Variants in MFN2 observed in about 807,000 individuals in gnomAD.
The protein encoded by MFN2 is mitofusin 2.
Under a neutral mutation model 87.5 loss-of-function variants are expected in MFN2, and 43 were observed. That is an observed-to-expected ratio of 0.49 (90% CI 0.38 to 0.63). The LOEUF is 0.63. Among genes scored for constraint, MFN2 ranks in the 30% least tolerant of loss-of-function variants. The pLI is 0.00. For synonymous variants in MFN2, 337 were observed against 359.9 expected, an observed-to-expected ratio of 0.94 and a Z score of 0.72; for missense variants, 743 against 972.8, an observed-to-expected ratio of 0.76 and a Z score of 3.14.
At chr1:12,005,053 C>G in intron 14 of MFN2, 126 bp downstream of exon 14, 1 of 776,398 alleles carries the variant, frequency 1.3e-6, no homozygotes, top group Non-Finnish European at 2.2e-6. Context: ...AACTCGATAC[C>G]TTCAGGTTCT....
Position 12,007,209 on chromosome 1 carries a change from A to T in MFN2, c.2029A>T (p.Ile677Phe), listed in dbSNP as rs745565182. The change falls in exon 17 of 19, where the codon ATC becomes TTC. Residue 677 changes from isoleucine to phenylalanine, a missense_variant. Ile to Phe is a conservative substitution (Grantham distance 21). Coordinates refer to ENST00000235329, the MANE Select transcript of MFN2 (RefSeq NM_014874.4). ...EHASEKLQLVISYTGSNCSHQ... is the reference protein window; with the variant it reads ...EHASEKLQLVFSYTGSNCSHQ... ...TGCCAGCGAGAAGCTGCAGCTTGTC[A>T]TCAGCTACACTGGCTCCAACTGCAG... is the stretch of plus-strand genomic sequence containing the variant. 1 of 1,614,156 alleles carries T rather than the reference A, an allele frequency of 6.2e-7. No individual in the cohort carries two copies. Among genetic ancestry groups the T allele is most frequent in the African/African-American group, 1.3e-5 (1 of 75,082 alleles).
In MFN2 at chr1:12,001,971, G is replaced by A. The variant is rs777588423; in HGVS notation, c.1039-11G>A. ...GGCCCCCACCTCCCTCCGTGCCTCT[G>A]TGTGTTCCAGGAGTGCATCTCCCAG... On this transcript the variant is annotated splice_polypyrimidine_tract_variant and intron_variant, in intron 10 of 18. Coordinates refer to ENST00000235329, the MANE Select transcript of MFN2 (RefSeq NM_014874.4). The A allele has an allele frequency of 5.0e-6, 8 of 1,613,904 alleles. No individual in the cohort carries two copies. Among genetic ancestry groups the A allele is most frequent in the Middle Eastern group, 1.6e-4 (1 of 6,084 alleles).
At chr1:11,981,525 A>G (rs145416784) in intron 1 of MFN2, among the ~76,000 whole-genome samples, 70 of 152,368 alleles carry the variant, frequency 4.6e-4, no homozygotes, top group African/African-American at 1.6e-3. Flanking sequence ...ACAAATCTTC[A>G]AGTATTCCAG....
chr1:11,982,373 T>G (rs1026514260), intron 2 of MFN2: 1 of 152,252 alleles, frequency 6.6e-6, no homozygotes, highest in African/African-American at 2.4e-5. Context: ...AGTCTCTGTC[T>G]CCCTCATTTG....
chr1:11,991,969 G>GT (rs1160628206), intron 3 of MFN2, among the ~76,000 whole-genome samples: 8 of 143,924 alleles, frequency 5.6e-5, no homozygotes, highest in African/African-American at 1.8e-4. Flanking sequence ...ACATAGAGTG[G>GT]TTAAGAGCCT....
At chr1:12,008,429 C>G (rs1201894038) in intron 17 of MFN2, among the ~76,000 whole-genome samples, 1 of 142,620 alleles carries the variant, frequency 7.0e-6, no homozygotes, top group Admixed American at 6.7e-5. Flanking sequence ...GCTGACCCCC[C>G]CCACCTCCCT....
At chr1:12,007,359 C>T (rs1639471754) in intron 17 of MFN2, 110 bp downstream of exon 17, 1 of 1,337,614 alleles carries the variant, frequency 7.5e-7, no homozygotes, top group African/African-American at 1.5e-5. Flanking sequence ...GGGTCCTAAG[C>T]ATCGTAGACC....
At chr1:11,993,408 A>G (rs1250521737) in intron 4 of MFN2, among the ~76,000 whole-genome samples, 1 of 151,946 alleles carries the variant, frequency 6.6e-6, no homozygotes, top group African/African-American at 2.4e-5. Context: ...CATGCATGTT[A>G]GGCAAGCATC....
intron 6 of MFN2, among the ~76,000 whole-genome samples, chr1:11,997,879 CTTTTTTTTT>C (rs768355266): frequency 1.0e-5 from 1 of 95,836 alleles, no homozygotes; most frequent in East Asian, 3.4e-4. Flanking sequence ...TGTATATCAT[CTTTTTTTTT>C]TTTTTTTTTT....
intron 2 of MFN2, among the ~76,000 whole-genome samples, chr1:11,983,652 C>CA (rs1289090121): frequency 6.6e-6 from 1 of 152,154 alleles, no homozygotes; most frequent in Non-Finnish European, 1.5e-5. Context: ...TTTCCAGAGG[C>CA]AGAGGAGGAA....
In MFN2 at chr1:12,004,040, T is replaced by C; in HGVS notation, c.1209T>C (p.Phe403=). ...AAGAGCGGCAAGACCGACTGAAATT[T>C]ATTGACAAACAGCTGGAGCTCTTGG... ...MREERQDRLK[F]IDKQLELLAQ... Residue 403 remains phenylalanine, a synonymous_variant, in exon 12 of 19, where the codon TTT becomes TTC. Transcript: ENST00000235329. The surrounding 1 kb of genome is among the most constrained non-coding windows in gnomAD (Gnocchi z 4.2). 1.9e-6 allele frequency: 3 copies of C among 1,614,198 alleles called. No homozygotes were observed. Among genetic ancestry groups the C allele is most frequent in the Non-Finnish European group, 2.5e-6 (3 of 1,180,044 alleles).
At position 12,001,928 on chromosome 1, in the gene MFN2, T is replaced by G. The variant is rs796220827; in HGVS notation, c.1039-54T>G. The G allele has an allele frequency of 1.1e-5, 17 of 1,614,176 alleles. No homozygotes were observed. The African/African-American group carries it at 1.2e-4, about 11-fold the overall frequency. On this transcript the variant is annotated intron_variant, in intron 10 of 18. Transcript: ENST00000235329. The stretch of plus-strand genomic sequence containing the variant: ...GCAGTGAAAACCAGAGTCTGGCCCT[T>G]GGTTGTAGGCCCCTGGTGGCCCCCA...
Position 11,998,072 on chromosome 1 carries a change from C to T in MFN2, c.599+651C>T, listed in dbSNP as rs552805134. On this transcript the variant is annotated intron_variant, in intron 6 of 18. Coordinates refer to ENST00000235329, the MANE Select transcript of MFN2 (RefSeq NM_014874.4). ...CTAAATTTTGTATTTTTAGTAGAGA[C>T]GGGGTTTCACCATGTTGGCCAGGCT... 1.6e-3 allele frequency among the ~76,000 whole-genome samples: 244 copies of T among 150,564 alleles called. 2 individuals are homozygous for T. In the Middle Eastern group the frequency reaches 0.017, roughly 11 times the overall value.
At position 12,001,826 on chromosome 1, in the gene MFN2, G is replaced by C; in HGVS notation, c.1028G>C (p.Arg343Thr). The C allele has an allele frequency of 6.2e-7, 1 of 1,614,182 alleles. No individual in the cohort carries two copies. The highest frequency in any genetic ancestry group is 8.5e-7 in the Non-Finnish European group (1 of 1,180,026). Reference sequence around the variant, plus strand: ...ATGTTTGAGTTTCAGAATTTTGAGAGGAGATTTGAGGTGAGTCCTCTGATT... The same window carrying C: ...ATGTTTGAGTTTCAGAATTTTGAGACGAGATTTGAGGTGAGTCCTCTGATT... Reference protein sequence around the residue: ...VRMFEFQNFERRFEECISQSA... With the variant: ...VRMFEFQNFETRFEECISQSA... The change falls in exon 10 of 19, where the codon AGG becomes ACG. Residue 343 changes from arginine to threonine, a missense_variant. Physicochemically the swap from Arg to Thr is moderately conservative, Grantham distance 71. This residue lies in a region of MFN2 where 571 missense variants were observed against 670.7 expected (regional missense o/e 0.85). Transcript: ENST00000235329.
At chr1:12,008,798 G>T (rs1460685741) in intron 17 of MFN2, among the ~76,000 whole-genome samples, 10 of 152,322 alleles carry the variant, frequency 6.6e-5, no homozygotes, top group African/African-American at 2.4e-4. Context: ...TCACTTCTCA[G>T]ACGGGGTGGC....
chr1:12,006,726 G>A (rs1639435157), intron 16 of MFN2, 33 bp downstream of exon 16: 7 of 1,613,750 alleles, frequency 4.3e-6, no homozygotes, highest in Non-Finnish European at 5.9e-6. Context: ...GAAGGTGGGG[G>A]CGGAGGGCAG....
At chr1:12,009,852 C>T (rs1639613740) in intron 18 of MFN2, 126 bp downstream of exon 18, 10 of 1,386,238 alleles carry the variant, frequency 7.2e-6, no homozygotes, top group Admixed American at 3.7e-5. Context: ...TTAGCTCATT[C>T]GTGTTAGATG....
At chr1:12,011,413 G>A (rs765282658) in intron 18 of MFN2, 83 bp from the exon 19 acceptor site, 62 of 1,371,600 alleles carry the variant, frequency 4.5e-5, no homozygotes, top group Non-Finnish European at 5.9e-5. Context: ...TGTGTCAAGC[G>A]TCCTTAGGAT....
chr1:12,008,769 G>A (rs367692607), intron 17 of MFN2, among the ~76,000 whole-genome samples: 7,085 of 151,136 alleles, frequency 0.047, 231 homozygotes, highest in East Asian at 0.12. Context: ...GACGATGGGC[G>A]GCCAGGCAGA....
Sources: gnomAD v4.1 joint callset for allele counts (sites outside exome capture counted in the v4.1 genomes callset) on GRCh38, gnomAD v4.1.1 for gene constraint, gnomAD v4.1.1 regional missense constraint, Gnocchi (gnomAD v3.1) non-coding constraint, MANE v1.5 for transcripts, NCBI Gene and HGNC (gene_info 2026-07-23, HGNC 2026-07-21) for gene names.